The following NPAS3 variants were observed in gnomAD, a reference collection of about 807,000 sequenced individuals.
NPAS3 encodes neuronal PAS domain-containing protein 3.
NPAS3 carries 14 observed loss-of-function variants against 73.1 expected under a neutral mutation model. The ratio of observed to expected loss-of-function variants is 0.19; its 90% confidence interval spans 0.13 to 0.30. NPAS3 has a LOEUF of 0.30. NPAS3 is among the 10% of genes least tolerant of loss of function. The pLI is 1.00. For synonymous variants in NPAS3, 620 were observed against 541.5 expected (o/e 1.14, Z -2.01); for missense variants, 1,096 against 1,250.0 (o/e 0.88, Z 1.86).
At chr14:33,022,853 G>A (rs2039659631) in intron 1 of NPAS3, among the ~76,000 whole-genome samples, 1 of 151,898 alleles carries the variant, frequency 6.6e-6, no homozygotes, top group Non-Finnish European at 1.5e-5. Context: ...TTATTTGCCA[G>A]TGTCATGTTT....
chr14:33,687,914 G>A (rs1175968444), intron 6 of NPAS3, among the ~76,000 whole-genome samples: 1 of 152,204 alleles, frequency 6.6e-6, no homozygotes, highest in Admixed American at 6.5e-5. Context: ...GAAAGATTCA[G>A]TTAATGGAGG....
chr14:33,022,357 C>A (rs1218896035), intron 1 of NPAS3, among the ~76,000 whole-genome samples: 1 of 152,092 alleles, frequency 6.6e-6, no homozygotes, highest in African/African-American at 2.4e-5. Context: ...ATTATACATT[C>A]TTGGAGTTTA....
At chr14:33,668,963 A>G (rs183616566) in intron 5 of NPAS3, among the ~76,000 whole-genome samples, 9 of 152,382 alleles carry the variant, frequency 5.9e-5, no homozygotes, top group Admixed American at 5.9e-4. Flanking sequence ...AGACGTATTG[A>G]TACTGAAGTC....
intron 3 of NPAS3, among the ~76,000 whole-genome samples, chr14:33,248,591 G>A (rs2048470632): frequency 6.6e-6 from 1 of 151,936 alleles, no homozygotes; most frequent in African/African-American, 2.4e-5. Flanking sequence ...TGTAAAATAT[G>A]TTGAAATGAT....
chr14:33,420,409 G>A (rs780324787), intron 4 of NPAS3, among the ~76,000 whole-genome samples: 15 of 151,994 alleles, frequency 9.9e-5, no homozygotes, highest in Admixed American at 2.0e-4. Context: ...GCTGCTTGTC[G>A]CAGCAGAATC....
chr14:33,415,030 C>A (rs1200262140), intron 4 of NPAS3, among the ~76,000 whole-genome samples: 3 of 152,114 alleles, frequency 2.0e-5, no homozygotes, highest in Non-Finnish European at 2.9e-5. Flanking sequence ...AAAACACCCA[C>A]ATTTCATCAC....
At chr14:33,179,209 T>C (rs1340166882) in intron 2 of NPAS3, among the ~76,000 whole-genome samples, 4 of 152,124 alleles carry the variant, frequency 2.6e-5, no homozygotes, top group Non-Finnish European at 5.9e-5. Context: ...GAGGAAGCTA[T>C]ATGAGTCTTG....
intron 1 of NPAS3, among the ~76,000 whole-genome samples, chr14:33,037,698 C>T (rs2040216994): frequency 6.6e-6 from 1 of 152,000 alleles, no homozygotes. Context: ...CAAATAAATA[C>T]ATTTCCAATA....
intron 3 of NPAS3, among the ~76,000 whole-genome samples, chr14:33,291,007 T>C (rs2042077402): frequency 6.6e-6 from 1 of 152,060 alleles, no homozygotes; most frequent in Non-Finnish European, 1.5e-5. Flanking sequence ...AAGTGGAATC[T>C]ACAAGTGGTA....
intron 2 of NPAS3, among the ~76,000 whole-genome samples, chr14:33,130,055 T>C (rs1343573148): frequency 6.6e-6 from 1 of 152,194 alleles, no homozygotes; most frequent in Non-Finnish European, 1.5e-5. Flanking sequence ...AGTGCTACTG[T>C]TTGCTAAGCA....
intron 4 of NPAS3, among the ~76,000 whole-genome samples, chr14:33,544,814 A>ATTT (rs1325370945): frequency 1.1e-4 from 11 of 103,212 alleles, no homozygotes; most frequent in Non-Finnish European, 1.8e-4. Flanking sequence ...ATATATATGT[A>ATTT]TATATAATAT....
chr14:33,012,689 C>T (rs1230490559), intron 1 of NPAS3, among the ~76,000 whole-genome samples: 1 of 152,046 alleles, frequency 6.6e-6, no homozygotes, highest in Admixed American at 6.6e-5. Flanking sequence ...GCTGGGATTA[C>T]AGGCGCCCGC....
chr14:33,323,463 C>T (rs1037802859), intron 3 of NPAS3, among the ~76,000 whole-genome samples: 1 of 152,096 alleles, frequency 6.6e-6, no homozygotes, highest in Non-Finnish European at 1.5e-5. Context: ...TTTACCTCTA[C>T]TCTCTTTGGC....
chr14:33,758,366 G>A lies in NPAS3; in HGVS notation c.853-15971G>A, dbSNP rs537684145. 5.3e-5 allele frequency among the ~76,000 whole-genome samples: 8 copies of A among 152,364 alleles called. 1 individual carries two copies. The highest frequency in any genetic ancestry group is 1.9e-4 in the African/African-American group (8 of 41,600). The stretch of plus-strand genomic sequence containing the variant: ...CCTCCTCCCTGAAAGGCTCGCCCTA[G>A]TGCCTTGTCAGGATGGCTCTCCTCT... On this transcript the variant is annotated intron_variant, in intron 7 of 11. Transcript: ENST00000356141.
At chr14:33,322,504 A>G (rs1314666457) in intron 3 of NPAS3, among the ~76,000 whole-genome samples, 1 of 144,690 alleles carries the variant, frequency 6.9e-6, no homozygotes, top group African/African-American at 2.9e-5. Flanking sequence ...ATACATACAC[A>G]TTTGTGTGTG....
At chr14:33,711,408 G>A (rs915758780) in intron 6 of NPAS3, among the ~76,000 whole-genome samples, 2 of 152,126 alleles carry the variant, frequency 1.3e-5, no homozygotes, top group Non-Finnish European at 2.9e-5. Flanking sequence ...ACCGGACAAT[G>A]CTTTTGAGAC....
At chr14:33,087,593 G>C (rs963322805) in intron 2 of NPAS3, among the ~76,000 whole-genome samples, 2 of 152,062 alleles carry the variant, frequency 1.3e-5, no homozygotes, top group Non-Finnish European at 2.9e-5. Flanking sequence ...ATGACAAATG[G>C]TTTTTACATA....
chr14:33,464,794 G>A (rs931348980), intron 4 of NPAS3, among the ~76,000 whole-genome samples: 2 of 152,194 alleles, frequency 1.3e-5, no homozygotes, highest in African/African-American at 4.8e-5. Context: ...GATGCCAAGT[G>A]CAAAGCCCTT....
intron 4 of NPAS3, among the ~76,000 whole-genome samples, chr14:33,459,403 G>C (rs1048336660): frequency 6.6e-6 from 1 of 152,184 alleles, no homozygotes; most frequent in African/African-American, 2.4e-5. Flanking sequence ...CAAATGTAAG[G>C]TGTTGTTATT....
Sources: gnomAD v4.1 joint callset for allele counts (sites outside exome capture counted in the v4.1 genomes callset) on GRCh38, gnomAD v4.1.1 for gene constraint, MANE v1.5 for transcripts, NCBI Gene and HGNC (gene_info 2026-07-23, HGNC 2026-07-21) for gene names.